Variants in PROS1 observed in about 807,000 individuals in gnomAD.
The protein encoded by PROS1 is vitamin K-dependent protein S.
Under a neutral mutation model 75.9 loss-of-function variants are expected in PROS1, and 29 were observed. That is an observed-to-expected ratio of 0.38 (90% CI 0.28 to 0.52). PROS1 has a LOEUF of 0.52. Ranked by LOEUF, PROS1 falls within the 20% of genes least tolerant of loss-of-function variation. The pLI, the probability that PROS1 is intolerant of heterozygous loss-of-function variation, is 0.83. For synonymous variants in PROS1, 245 were observed against 280.6 expected (o/e 0.87, Z 1.27); for missense variants, 680 against 810.3 (o/e 0.84, Z 1.95).
intron 1 of PROS1, among the ~76,000 whole-genome samples, chr3:93,950,842 G>A (rs1232916161): frequency 2.0e-5 from 3 of 152,196 alleles, no homozygotes. Context: ...CAATGACTTT[G>A]ATGAGTTGAG....
At chr3:93,891,208 T>C (rs570260046) in intron 10 of PROS1, among the ~76,000 whole-genome samples, 1 of 152,282 alleles carries the variant, frequency 6.6e-6, no homozygotes, top group South Asian at 2.1e-4. Context: ...GATGTCTCTT[T>C]TGTGCACCAC....
chr3:93,933,443 C>T (rs1437022323), intron 1 of PROS1, among the ~76,000 whole-genome samples: 6 of 151,538 alleles, frequency 4.0e-5, no homozygotes, highest in East Asian at 2.0e-4. Context: ...GGCATGGTGG[C>T]GCACACCTGG....
At chr3:93,926,081 G>C (rs890923403) in intron 2 of PROS1, among the ~76,000 whole-genome samples, 1 of 152,028 alleles carries the variant, frequency 6.6e-6, no homozygotes, top group Non-Finnish European at 1.5e-5. Context: ...ATATTAATGA[G>C]TGATGTACTA....
chr3:93,874,511 C>T (rs1576170695), intron 14 of PROS1, 106 bp from the exon 15 acceptor site: 1 of 1,454,792 alleles, frequency 6.9e-7, no homozygotes, highest in Non-Finnish European at 9.4e-7. Flanking sequence ...AATTCTAATC[C>T]TAAAGGAAAA....
At chr3:93,904,938 G>A (rs548127030) in intron 6 of PROS1, among the ~76,000 whole-genome samples, 58 of 152,214 alleles carry the variant, frequency 3.8e-4, no homozygotes, top group African/African-American at 1.3e-3. Context: ...AAGGAGTTAT[G>A]ACCAATGATA....
chr3:93,885,002 T>A, intron 11 of PROS1, 106 bp from the exon 12 acceptor site: 2 of 959,292 alleles, frequency 2.1e-6, no homozygotes. Flanking sequence ...TCTTTGATAA[T>A]AGTTGAAAAT....
chr3:93,882,619 T>C (rs1451474119), intron 12 of PROS1, among the ~76,000 whole-genome samples: 1 of 152,036 alleles, frequency 6.6e-6, no homozygotes, highest in African/African-American at 2.4e-5. Flanking sequence ...TAAAAATAAT[T>C]TAGGTAAAGA....
At chr3:93,941,216 C>A (rs1709282716) in intron 1 of PROS1, among the ~76,000 whole-genome samples, 1 of 152,118 alleles carries the variant, frequency 6.6e-6, no homozygotes, top group East Asian at 1.9e-4. Flanking sequence ...TGTTGATGAC[C>A]TACTTTGTAG....
intron 10 of PROS1, among the ~76,000 whole-genome samples, chr3:93,889,671 A>G (rs967576330): frequency 6.6e-6 from 1 of 152,248 alleles, no homozygotes; most frequent in Non-Finnish European, 1.5e-5. Context: ...GCAGAGGAAC[A>G]TAAATTGTGA....
At chr3:93,910,589 G>GT (rs1332372911) in intron 4 of PROS1, 30 bp downstream of exon 4, 10 of 1,571,132 alleles carry the variant, frequency 6.4e-6, no homozygotes, top group South Asian at 5.6e-5. Context: ...TTTTTGTTTT[G>GT]TTTTTTCAAT....
At chr3:93,877,218 T>C in intron 13 of PROS1, 27 bp from the exon 14 acceptor site, 2 of 1,530,710 alleles carry the variant, frequency 1.3e-6, no homozygotes, top group Non-Finnish European at 1.8e-6. Flanking sequence ...AGATTCAATA[T>C]AAGCAAGGAG....
chr3:93,947,866 C>T (rs1468376949), intron 1 of PROS1, among the ~76,000 whole-genome samples: 1 of 152,086 alleles, frequency 6.6e-6, no homozygotes, highest in African/African-American at 2.4e-5. Flanking sequence ...CCACACCCAG[C>T]CTAGAAAGAG....
chr3:93,941,036 G>T (rs556325337), intron 1 of PROS1, among the ~76,000 whole-genome samples: 1 of 152,000 alleles, frequency 6.6e-6, no homozygotes, highest in African/African-American at 2.4e-5. Flanking sequence ...CTATTCCACT[G>T]CACCCCTCAT....
At chr3:93,917,624 C>T (rs999389420) in intron 3 of PROS1, among the ~76,000 whole-genome samples, 4 of 152,148 alleles carry the variant, frequency 2.6e-5, no homozygotes, top group Middle Eastern at 3.4e-3. Context: ...GGGAAAGGCG[C>T]GAGGGGGAAC....
intron 7 of PROS1, among the ~76,000 whole-genome samples, 183 bp downstream of exon 7, chr3:93,900,621 C>T (rs532893956): frequency 2.6e-5 from 4 of 152,278 alleles, no homozygotes; most frequent in Admixed American, 2.6e-4. Flanking sequence ...AACTTAAAGA[C>T]CATATGCCTT....
At position 93,877,055 on chromosome 3, in the gene PROS1, G is replaced by T; in HGVS notation, c.1781C>A (p.Thr594Asn). 1 of 1,613,850 alleles carries T rather than the reference G, an allele frequency of 6.2e-7. No individual in the cohort carries two copies. The highest frequency in any genetic ancestry group is 8.5e-7 in the Non-Finnish European group (1 of 1,179,860). Residue 594 changes from threonine (T) to asparagine (N), a missense_variant, in exon 14 of 15, where the codon ACC (threonine) becomes AAC (asparagine). Transcript: ENST00000394236. ...LELSTPLKIE[T>N]ISHEDLQRQL... ...TCTTTGAAGGTCTTCATGGGAGATG[G>T]TTTCTATTTTAAGTGGTGTCGACAA...
chr3:93,962,807 G>A (rs1175923321), intron 1 of PROS1, among the ~76,000 whole-genome samples: 1 of 152,228 alleles, frequency 6.6e-6, no homozygotes, highest in African/African-American at 2.4e-5. Flanking sequence ...CTGCAGAAGT[G>A]AGAGAAGTTG....
chr3:93,956,555 C>A (rs1201663541), intron 1 of PROS1, among the ~76,000 whole-genome samples: 1 of 76,446 alleles, frequency 1.3e-5, no homozygotes, highest in African/African-American at 3.8e-5. Context: ...CACACACACA[C>A]ACACACAAAC....
At chr3:93,910,965 A>C in intron 3 of PROS1, 1 of 433,042 alleles carries the variant, frequency 2.3e-6, no homozygotes. Context: ...TTAAAGTCAG[A>C]AGTGAAAAAA....
Sources: allele counts gnomAD v4.1 joint callset (sites outside exome capture counted in the v4.1 genomes callset), GRCh38; gene constraint gnomAD v4.1.1; transcripts MANE v1.5; gene names NCBI Gene and HGNC (gene_info 2026-07-23, HGNC 2026-07-21).